The following PRKAA2 variants were observed in gnomAD, a reference collection of about 807,000 sequenced individuals.
PRKAA2 encodes 5'-AMP-activated protein kinase catalytic subunit alpha-2.
In PRKAA2, 40 loss-of-function variants were observed where a neutral mutation model predicts 56.3. The observed-to-expected ratio is 0.71, with a 90% CI of 0.55 to 0.92. PRKAA2 has a LOEUF of 0.92. PRKAA2 is among the 40% of genes least tolerant of loss of function. PRKAA2 has a pLI of 0.00. For synonymous variants in PRKAA2, 214 were observed against 234.2 expected, an observed-to-expected ratio of 0.91 and a Z score of 0.79; for missense variants, 542 against 686.9, an observed-to-expected ratio of 0.79 and a Z score of 2.36.
At chr1:56,658,022 A>T (rs1324153614) in intron 1 of PRKAA2, among the ~76,000 whole-genome samples, 1 of 152,234 alleles carries the variant, frequency 6.6e-6, no homozygotes, top group Non-Finnish European at 1.5e-5. Context: ...AAAAGATATG[A>T]GAAAAAGTAG....
At chr1:56,701,810 C>A (rs148416678) in intron 6 of PRKAA2, among the ~76,000 whole-genome samples, 2 of 151,956 alleles carry the variant, frequency 1.3e-5, no homozygotes, top group East Asian at 3.9e-4. Context: ...CGGAGAATGG[C>A]GTGAACCCAG....
At chr1:56,680,186 A>G (rs1644143172) in intron 2 of PRKAA2, among the ~76,000 whole-genome samples, 2 of 152,090 alleles carry the variant, frequency 1.3e-5, no homozygotes, top group Admixed American at 1.3e-4. Context: ...CTGAAAACCT[A>G]CTTTACTCAC....
Position 56,714,818 on chromosome 1 carries a change from TTGGTTG to T in PRKAA2, c.*7108_*7113del, listed in dbSNP as rs1216408757. 7 of 152,246 alleles carry T rather than the reference TTGGTTG, an allele frequency of 4.6e-5. No homozygotes were observed. Among genetic ancestry groups the T allele is most frequent in the Admixed American group, 2.0e-4 (3 of 15,288 alleles). The allele number at this position is 152,246 out of a possible 1,614,324, so 9.4% of individuals were successfully genotyped here. On this transcript the variant is annotated 3_prime_UTR_variant, in exon 9 of 9. Transcript: ENST00000371244. Reference sequence around the variant, plus strand: ...AACAAATAAAACTGAAAACAGCCATTTGGTTGTGTCATGACAATCATAATATAGGAT... The same window carrying T: ...AACAAATAAAACTGAAAACAGCCATTTGTCATGACAATCATAATATAGGAT...
At chr1:56,662,696 T>C (rs1644004446) in intron 1 of PRKAA2, among the ~76,000 whole-genome samples, 1 of 152,218 alleles carries the variant, frequency 6.6e-6, no homozygotes, top group African/African-American at 2.4e-5. Flanking sequence ...AGTTTAACCA[T>C]GTCAGTGCAG....
chr1:56,653,339 G>C lies in PRKAA2; in HGVS notation c.94+7858G>C, dbSNP rs943638830. ...TATCTGAATGGATTTTGTTCATTTG[G>C]TGTAGCCAGTTGATTGACTTTCAAA... On this transcript the variant is annotated intron_variant, in intron 1 of 8. Transcript: ENST00000371244. 7.3e-5 allele frequency among the ~76,000 whole-genome samples: 11 copies of C among 151,406 alleles called. No homozygotes were observed. The East Asian group carries it at 2.1e-3, about 29-fold the overall frequency.
chr1:56,650,206 T>A lies in PRKAA2; in HGVS notation c.94+4725T>A, dbSNP rs183565957. Among the ~76,000 whole-genome samples the A allele has an allele frequency of 7.2e-5, 11 of 152,320 alleles. No homozygotes were observed. In the East Asian group the frequency reaches 1.9e-3, roughly 27 times the overall value. ...GAAAATGGAATAGTTTTAACAGCAG[T>A]AGTTTTAATTTGTTTTTTAAAAGTA... On this transcript the variant is annotated intron_variant, in intron 1 of 8. Transcript: ENST00000371244.
chr1:56,648,867 G>A (rs1048975013), intron 1 of PRKAA2, among the ~76,000 whole-genome samples: 21 of 152,174 alleles, frequency 1.4e-4, no homozygotes, highest in Admixed American at 2.6e-4. Flanking sequence ...TTGATGGAAT[G>A]TCTGTTTATA....
At chr1:56,700,940 TA>T (rs1284979672) in intron 6 of PRKAA2, among the ~76,000 whole-genome samples, 11 of 152,188 alleles carry the variant, frequency 7.2e-5, no homozygotes, top group Non-Finnish European at 1.5e-4. Context: ...TAGGGCAACT[TA>T]AAAAGCCACA....
intron 2 of PRKAA2, among the ~76,000 whole-genome samples, chr1:56,689,479 AG>A (rs1470010247): frequency 6.6e-6 from 1 of 152,116 alleles, no homozygotes; most frequent in East Asian, 1.9e-4. Flanking sequence ...GCATTTTGGG[AG>A]GCCAAGGCGG....
At chr1:56,671,940 T>C (rs1237518403) in intron 1 of PRKAA2, among the ~76,000 whole-genome samples, 1 of 152,192 alleles carries the variant, frequency 6.6e-6, no homozygotes, top group African/African-American at 2.4e-5. Flanking sequence ...GTCACTTTTG[T>C]CATCATTATT....
chr1:56,675,558 A>G (rs1644107249), intron 2 of PRKAA2, among the ~76,000 whole-genome samples: 1 of 152,158 alleles, frequency 6.6e-6, no homozygotes, highest in Non-Finnish European at 1.5e-5. Context: ...CCATGCTGTT[A>G]ATGCTCCAGC....
intron 2 of PRKAA2, among the ~76,000 whole-genome samples, chr1:56,688,035 G>A (rs1486193572): frequency 6.6e-6 from 1 of 152,132 alleles, no homozygotes; most frequent in Non-Finnish European, 1.5e-5. Flanking sequence ...AGTGATTCAT[G>A]ATTGAATTTC....
chr1:56,682,501 A>T (rs1249838267), intron 2 of PRKAA2, among the ~76,000 whole-genome samples: 2 of 152,194 alleles, frequency 1.3e-5, no homozygotes, highest in Non-Finnish European at 2.9e-5. Flanking sequence ...GCAAAGGAAG[A>T]TTATGTACTC....
At chr1:56,670,757 G>T (rs965962182) in intron 1 of PRKAA2, among the ~76,000 whole-genome samples, 1 of 152,094 alleles carries the variant, frequency 6.6e-6, no homozygotes, top group African/African-American at 2.4e-5. Flanking sequence ...GTCAAAGTAG[G>T]TATTGATCTG....
At chr1:56,702,210 A>G (rs549510288) in intron 6 of PRKAA2, among the ~76,000 whole-genome samples, 134 of 151,520 alleles carry the variant, frequency 8.8e-4, no homozygotes, top group African/African-American at 2.9e-3. Flanking sequence ...CAGCCTCCCT[A>G]GTAGCTGGGA....
intron 5 of PRKAA2, 90 bp from the exon 6 acceptor site, chr1:56,695,845 T>C (rs1471284270): frequency 1.8e-6 from 2 of 1,081,314 alleles, no homozygotes; most frequent in East Asian, 2.4e-5. Flanking sequence ...GAATATGTAC[T>C]GAATGTAGAC....
At chr1:56,658,940 G>A (rs543829552) in intron 1 of PRKAA2, among the ~76,000 whole-genome samples, 30 of 151,258 alleles carry the variant, frequency 2.0e-4, no homozygotes, top group Middle Eastern at 3.2e-3. Flanking sequence ...GACTACAGGC[G>A]AGTGCCACCA....
chr1:56,705,405 G>GTTT (rs1394673976), intron 7 of PRKAA2, among the ~76,000 whole-genome samples: 1 of 151,638 alleles, frequency 6.6e-6, no homozygotes, highest in Admixed American at 6.6e-5. Flanking sequence ...ATTTTTTGTT[G>GTTT]TTGTTGTTTG....
rs1644340893 is a variant in PRKAA2, at chr1:56,707,612, T to C, written c.1558T>C (p.Leu520=). ...ACTTTCTGGCTCTCTCACTGGCTCT[T>C]TGACCGGAAGCACATTGTCTTCAGT... ...HSLSGSLTGS[L]TGSTLSSVSP... Residue 520 remains leucine, a synonymous_variant, in exon 9 of 9, where the codon TTG becomes CTG. Transcript: ENST00000371244. The C allele has an allele frequency of 1.9e-6, 3 of 1,614,066 alleles. No individual in the cohort carries two copies. Among genetic ancestry groups the C allele is most frequent in the Admixed American group, 1.7e-5 (1 of 60,010 alleles).
Sources: gnomAD v4.1 joint callset for allele counts (sites outside exome capture counted in the v4.1 genomes callset) on GRCh38, gnomAD v4.1.1 for gene constraint, MANE v1.5 for transcripts, NCBI Gene and HGNC (gene_info 2026-07-23, HGNC 2026-07-21) for gene names.